The following ABCD2 variants were observed in gnomAD, a reference collection of about 807,000 sequenced individuals.
ABCD2 encodes ATP-binding cassette sub-family D member 2.
Under a neutral mutation model 70.9 loss-of-function variants are expected in ABCD2, and 36 were observed. That is an observed-to-expected ratio of 0.51 (90% CI 0.39 to 0.67). ABCD2 has a LOEUF of 0.67. Ranked by LOEUF, ABCD2 falls within the 30% of genes least tolerant of loss-of-function variation. The probability of loss-of-function intolerance (pLI) is 0.00; values close to 1 mark genes in which losing one functional copy is unlikely to be tolerated. For synonymous variants in ABCD2, 304 were observed against 306.9 expected (o/e 0.99, Z 0.10); for missense variants, 729 against 890.2 (o/e 0.82, Z 2.30).
intron 9 of ABCD2, among the ~76,000 whole-genome samples, chr12:39,560,220 C>T (rs998462859): frequency 2.6e-5 from 4 of 152,140 alleles, no homozygotes; most frequent in Non-Finnish European, 2.9e-5. Flanking sequence ...TCCAAGTGTT[C>T]TCATTGTTCA....
Position 39,553,005 on chromosome 12 carries a change from G to A in ABCD2, c.*907C>T, listed in dbSNP as rs141056286. The A allele has an allele frequency of 2.0e-5, 3 of 152,064 alleles. No homozygotes were observed. The East Asian group carries it at 5.8e-4, about 29-fold the overall frequency. The allele number at this position is 152,064 out of a possible 1,614,324, so 9.4% of individuals were successfully genotyped here. A position where few individuals can be genotyped will look rare whatever the true frequency, so the allele number is the denominator to read the frequency against. ...ATTAAGGTGAAATGATGTAAATGGG[G>A]ATTGTAAATTATAAAGTACTATTCC... On this transcript the variant is annotated 3_prime_UTR_variant, in exon 10 of 10. Coordinates refer to ENST00000308666, the MANE Select transcript of ABCD2 (RefSeq NM_005164.4).
chr12:39,587,229 G>A (rs1486731584), intron 6 of ABCD2, among the ~76,000 whole-genome samples: 1 of 152,144 alleles, frequency 6.6e-6, no homozygotes, highest in Non-Finnish European at 1.5e-5. Flanking sequence ...TGTAATAAAA[G>A]GATGAGGAAG....
At chr12:39,534,184 C>T in the ABCD2 span, among the ~76,000 whole-genome samples, 7 of 152,158 alleles carry the variant, frequency 4.6e-5, no homozygotes, top group Admixed American at 4.6e-4. Flanking sequence ...GGTGGTGGCC[C>T]TGTCACATCC....
intron 8 of ABCD2, among the ~76,000 whole-genome samples, chr12:39,579,097 C>T (rs1422288170): frequency 6.6e-6 from 1 of 152,172 alleles, no homozygotes; most frequent in African/African-American, 2.4e-5. Flanking sequence ...CACGGTGGCT[C>T]ACGCCTGTAA....
intron 9 of ABCD2, among the ~76,000 whole-genome samples, chr12:39,571,625 C>T (rs970949773): frequency 1.3e-5 from 2 of 152,228 alleles, no homozygotes; most frequent in Admixed American, 1.3e-4. Flanking sequence ...GCGTTTCATA[C>T]CCTGAGATTC....
chr12:39,547,887 G>T (rs1941041059), downstream of ABCD2, among the ~76,000 whole-genome samples: 1 of 151,922 alleles, frequency 6.6e-6, no homozygotes, highest in Non-Finnish European at 1.5e-5. Flanking sequence ...CTTCTAAGGG[G>T]TTGTGTGTGT....
intron 2 of ABCD2, among the ~76,000 whole-genome samples, chr12:39,611,915 C>T (rs1179582200): frequency 6.6e-6 from 1 of 151,720 alleles, no homozygotes; most frequent in African/African-American, 2.4e-5. Flanking sequence ...ACTGATAAAC[C>T]AATGTAAAAA....
chr12:39,533,390 T>C, the ABCD2 span, among the ~76,000 whole-genome samples: 1 of 151,294 alleles, frequency 6.6e-6, no homozygotes, highest in Non-Finnish European at 1.5e-5. Context: ...AAGAGATTCA[T>C]TTTTTTCTGT....
Position 39,619,543 on chromosome 12 carries a change from A to T in ABCD2, c.73T>A (p.Cys25Ser), listed in dbSNP as rs756904045. 2 of 1,611,806 alleles carry T rather than the reference A, an allele frequency of 1.2e-6. No individual in the cohort carries two copies. Among genetic ancestry groups the T allele is most frequent in the Non-Finnish European group, 1.7e-6 (2 of 1,180,000 alleles). ...TRSSAAKRAA[C>S]LVAAAYALKT... ...AGAGCATATGCCGCAGCCACCAGGC[A>T]GGCAGCCCTCTTAGCAGCACTCGAT... Residue 25 changes from cysteine (C) to serine (S), a missense_variant, in exon 1 of 10, where the codon TGC (cysteine) becomes AGC (serine). This residue lies in a region of ABCD2 where 245 missense variants were observed against 261.2 expected (regional missense o/e 0.94). Transcript: ENST00000308666.
intron 9 of ABCD2, among the ~76,000 whole-genome samples, chr12:39,560,528 G>A (rs959340900): frequency 2.3e-4 from 35 of 152,170 alleles, no homozygotes; most frequent in African/African-American, 8.4e-4. Flanking sequence ...ATTTGTTAAA[G>A]TATATACAAT....
chr12:39,569,420 C>T lies in ABCD2; in HGVS notation c.2003+4296G>A, dbSNP rs1052772438. 5.3e-5 allele frequency among the ~76,000 whole-genome samples: 8 copies of T among 152,214 alleles called. No homozygotes were observed. The South Asian group carries it at 8.3e-4, about 16-fold the overall frequency. ...AAGGCTCCGTGGGCATAGTACCCTC[C>T]GAGCCAGGCACGGGATATAATATCC... On this transcript the variant is annotated intron_variant, in intron 9 of 9. Coordinates refer to ENST00000308666, the MANE Select transcript of ABCD2 (RefSeq NM_005164.4).
downstream of ABCD2, among the ~76,000 whole-genome samples, chr12:39,546,327 C>T (rs2120487624): frequency 6.6e-6 from 1 of 152,114 alleles, no homozygotes; most frequent in South Asian, 2.1e-4. Flanking sequence ...CATTTGTTCA[C>T]TCATGCATTT....
At chr12:39,560,077 C>A (rs575994935) in intron 9 of ABCD2, among the ~76,000 whole-genome samples, 1 of 152,006 alleles carries the variant, frequency 6.6e-6, no homozygotes, top group East Asian at 1.9e-4. Context: ...TTGTTACATA[C>A]GTATACGTGT....
At chr12:39,582,668 C>G (rs1941612109) in intron 7 of ABCD2, among the ~76,000 whole-genome samples, 1 of 152,148 alleles carries the variant, frequency 6.6e-6, no homozygotes. Context: ...AAAAATCAAT[C>G]TGCTTTCCAT....
At chr12:39,534,693 A>AGGAC in the ABCD2 span, among the ~76,000 whole-genome samples, 8 of 86,266 alleles carry the variant, frequency 9.3e-5, no homozygotes, top group African/African-American at 3.7e-4. Context: ...GAAGGAAGGA[A>AGGAC]GGAAGGACGG....
Position 39,618,798 on chromosome 12 carries a change from G to A in ABCD2, c.818C>T (p.Ala273Val). The A allele has an allele frequency of 6.2e-7, 1 of 1,614,206 alleles. No individual in the cohort carries two copies. The change falls in exon 1 of 10, where the codon GCC (alanine) becomes GTC (valine). Residue 273 changes from alanine to valine, a missense_variant. Ala to Val is a moderately conservative substitution (Grantham distance 64, BLOSUM62 0). This residue lies in a region of ABCD2 where 195 missense variants were observed against 300.2 expected (regional missense o/e 0.65). Transcript: ENST00000308666. The stretch of plus-strand genomic sequence containing the variant: ...CAGTTTGCCAAATTTGGGAGAACAG[G>A]CTTTTAACACTTTAGCAGTGGCATA... ...VVYATAKVLK[A>V]CSPKFGKLVA...
intron 2 of ABCD2, among the ~76,000 whole-genome samples, chr12:39,612,054 C>G (rs1942052183): frequency 6.6e-6 from 1 of 152,118 alleles, no homozygotes; most frequent in African/African-American, 2.4e-5. Flanking sequence ...CCACTATACA[C>G]TCATGAGAAT....
chr12:39,604,318 A>G (rs895696236), intron 4 of ABCD2, among the ~76,000 whole-genome samples: 2 of 151,926 alleles, frequency 1.3e-5, no homozygotes, highest in African/African-American at 2.4e-5. Context: ...CTACTACTCT[A>G]TTTCCCTAAA....
At chr12:39,563,789 A>C in intron 9 of ABCD2, among the ~76,000 whole-genome samples, 1 of 151,956 alleles carries the variant, frequency 6.6e-6, no homozygotes, top group Non-Finnish European at 1.5e-5. Context: ...CCCTCACCTC[A>C]CAACAGGCCC....
Sources: allele counts gnomAD v4.1 joint callset (sites outside exome capture counted in the v4.1 genomes callset), GRCh38; gene constraint gnomAD v4.1.1; regional missense constraint gnomAD v4.1.1; transcripts MANE v1.5; gene names NCBI Gene and HGNC (gene_info 2026-07-23, HGNC 2026-07-21).